The following ABR variants were observed in gnomAD, a reference collection of about 807,000 sequenced individuals.
ABR encodes the protein active breakpoint cluster region-related protein.
In ABR, 35 loss-of-function variants were observed where a neutral mutation model predicts 107.2. The ratio of observed to expected loss-of-function variants is 0.33; its 90% CI spans 0.25 to 0.43. The LOEUF (loss-of-function observed/expected upper bound fraction) is 0.43, where lower values mean the gene tolerates loss of function less well. Ranked by LOEUF, ABR falls within the 20% of genes least tolerant of loss-of-function variation. The pLI, the probability that ABR is intolerant of heterozygous loss-of-function variation, is 1.00. For missense variants in ABR, 815 were observed against 1,115.2 expected (o/e 0.73, Z 3.83); for synonymous variants, 498 against 462.0 (o/e 1.08, Z -1.00).
intron 16 of ABR, among the ~76,000 whole-genome samples, chr17:1,034,523 G>A (rs1031987897): frequency 9.9e-5 from 15 of 152,164 alleles, no homozygotes; most frequent in African/African-American, 3.6e-4. Flanking sequence ...AAAATGCCAC[G>A]AACATCGAGA....
chr17:1,091,760 T>A lies in ABR; in HGVS notation c.436A>T (p.Ile146Phe). 6.2e-7 allele frequency: 1 copy of A among 1,614,164 alleles called. No homozygotes were observed. The highest frequency in any genetic ancestry group is 8.5e-7 in the Non-Finnish European group (1 of 1,180,010). ...TAGAACTCCTTGTGGATCTCATAGATGTCCTGGATCTTGTAGAAGATGGTC... is the reference window on the plus strand; with the variant it reads ...TAGAACTCCTTGTGGATCTCATAGAAGTCCTGGATCTTGTAGAAGATGGTC... ...IETIFYKIQD[I>F]YEIHKEFYDN... Residue 146 changes from isoleucine (I) to phenylalanine (F), a missense_variant, in exon 4 of 23, where the codon ATC (isoleucine) becomes TTC (phenylalanine). By Grantham distance (21) the Ile-to-Phe change is conservative (BLOSUM62 0). Transcript: ENST00000302538.
intron 16 of ABR, among the ~76,000 whole-genome samples, chr17:1,013,513 A>G (rs962587384): frequency 1.4e-4 from 21 of 152,146 alleles, no homozygotes; most frequent in Non-Finnish European, 2.2e-4. Flanking sequence ...GGACATGGGT[A>G]TTATTACCCC....
At chr17:1,144,295 TCTC>T (rs2040436090) in intron 1 of ABR, among the ~76,000 whole-genome samples, 1 of 151,784 alleles carries the variant, frequency 6.6e-6, no homozygotes, top group Non-Finnish European at 1.5e-5. Context: ...TCAACAAACA[TCTC>T]CTAAGCTATC....
At chr17:1,020,526 G>A (rs2071541842) in intron 16 of ABR, among the ~76,000 whole-genome samples, 1 of 152,240 alleles carries the variant, frequency 6.6e-6, no homozygotes, top group Non-Finnish European at 1.5e-5. Flanking sequence ...GCAGGCAGGG[G>A]CACCGGGTTG....
Position 1,005,434 on chromosome 17 carries a change from G to T in ABR, c.*646C>A, listed in dbSNP as rs1008691023. 4 of 332,062 alleles carry T rather than the reference G, an allele frequency of 1.2e-5. No homozygotes were observed. Among genetic ancestry groups the T allele is most frequent in the African/African-American group, 6.3e-5 (3 of 47,292 alleles). 20.6% of individuals were successfully genotyped at this position (332,062 alleles called of 1,614,324 possible). A position where few individuals can be genotyped will look rare whatever the true frequency, so the allele number is the denominator to read the frequency against. ...TTTGCACAGGCAGCAAGGCAAAGCA[G>T]GTGTGCTCCCAAAGGCGGAGTCTGA... On this transcript the variant is annotated 3_prime_UTR_variant, in exon 23 of 23. Transcript: ENST00000302538.
At chr17:1,100,272 T>C (rs958950781) in intron 3 of ABR, among the ~76,000 whole-genome samples, 1 of 152,198 alleles carries the variant, frequency 6.6e-6, no homozygotes, top group African/African-American at 2.4e-5. Flanking sequence ...ACTGGATTGA[T>C]TGGGAATGAC....
chr17:1,096,888 C>T (rs565043741), intron 3 of ABR, among the ~76,000 whole-genome samples: 2 of 105,454 alleles, frequency 1.9e-5, no homozygotes, highest in South Asian at 6.4e-4. Context: ...CAGGAGGAGA[C>T]AGCTGGGGAA....
intron 1 of ABR, among the ~76,000 whole-genome samples, chr17:1,192,971 C>G (rs1282210653): frequency 1.3e-5 from 2 of 152,164 alleles, no homozygotes; most frequent in Non-Finnish European, 2.9e-5. Flanking sequence ...TCCCTTGAAC[C>G]CAGGAGGCGG....
intron 1 of ABR, among the ~76,000 whole-genome samples, chr17:1,223,304 A>AACACACACACAC (rs56226163): frequency 0.089 from 13,322 of 149,058 alleles, 635 homozygotes; most frequent in Middle Eastern, 0.12. Context: ...AATCAGTAAC[A>AACACACACACAC]ACACACACAC....
At chr17:1,212,028 G>C (rs1028169614) in intron 1 of ABR, among the ~76,000 whole-genome samples, 14 of 151,544 alleles carry the variant, frequency 9.2e-5, no homozygotes, top group African/African-American at 3.4e-4. Context: ...GTTGCAGTGA[G>C]CCGAGATTGC....
At chr17:1,012,666 G>T in intron 18 of ABR, 22 bp downstream of exon 18, 1 of 1,549,014 alleles carries the variant, frequency 6.5e-7, no homozygotes, top group East Asian at 2.4e-5. Context: ...GCCAGGACTG[G>T]GAGACCCGAG....
intron 12 of ABR, 104 bp from the exon 13 acceptor site, chr17:1,057,206 A>C (rs184526754): frequency 2.1e-4 from 159 of 740,092 alleles, no homozygotes; most frequent in African/African-American, 1.3e-3. Flanking sequence ...TCCCTGGGGC[A>C]GACTTGGTCC....
At position 1,200,693 on chromosome 17, in the gene ABR, A is replaced by T. The variant is rs1369604696; in HGVS notation, c.838+28100T>A. ...GGGCCTCCGTGGTGCAGACACAAAG[A>T]TGGATCCCCAGGTGGAAACCCGGGC... On this transcript the variant is annotated intron_variant, in intron 1 of 22. Transcript: ENST00000574139. This position sits in a 1 kb window ranked among gnomAD's most constrained non-coding sequence, Gnocchi z 4.1. 1.3e-5 allele frequency among the ~76,000 whole-genome samples: 2 copies of T among 152,130 alleles called. No homozygotes were observed. Among genetic ancestry groups the T allele is most frequent in the East Asian group, 3.9e-4 (2 of 5,182 alleles).
chr17:1,142,546 T>C (rs1259683044), intron 1 of ABR, among the ~76,000 whole-genome samples: 6 of 150,992 alleles, frequency 4.0e-5, no homozygotes, highest in African/African-American at 7.3e-5. Context: ...GATCACACCA[T>C]TGCACTCCAG....
chr17:1,057,041 C>G lies in ABR; in HGVS notation c.1443G>C (p.Lys481Asn), dbSNP rs1189901369. Residue 481 changes from lysine to asparagine, a missense_variant, in exon 13 of 23, where the codon AAG (lysine) becomes AAC (asparagine). By Grantham distance (94) the Lys-to-Asn change is moderately conservative. This residue lies in a region of ABR where 385 missense variants were observed against 596.9 expected (regional missense o/e 0.64). Coordinates refer to ENST00000302538, the MANE Select transcript of ABR (RefSeq NM_021962.5). ...CAGGAATGTTGTGTACAGTCCTAAG[C>G]TTGAAACAGGATCCTGTGAGCACCT... ...ELQVLTGSCF[K>N]LRTVHNIPVT... The G allele has an allele frequency of 6.2e-7, 1 of 1,613,050 alleles. No individual in the cohort carries two copies. Among genetic ancestry groups the G allele is most frequent in the Non-Finnish European group, 8.5e-7 (1 of 1,179,374 alleles).
At chr17:1,098,857 C>G (rs1054501901) in intron 3 of ABR, among the ~76,000 whole-genome samples, 1 of 152,270 alleles carries the variant, frequency 6.6e-6, no homozygotes, top group African/African-American at 2.4e-5. Flanking sequence ...GCAAACTCGG[C>G]TCACTGCAAC....
chr17:1,093,104 A>G (rs2151303529), intron 3 of ABR, among the ~76,000 whole-genome samples: 1 of 146,340 alleles, frequency 6.8e-6, no homozygotes, highest in African/African-American at 2.5e-5. Context: ...TACGGGCGTG[A>G]GCCACCGCGC....
In ABR at chr17:1,070,033, G is replaced by A; in HGVS notation, c.952C>T (p.Leu318=). 1 of 1,613,514 alleles carries A rather than the reference G, an allele frequency of 6.2e-7. No homozygotes were observed. The highest frequency in any genetic ancestry group is 8.5e-7 in the Non-Finnish European group (1 of 1,179,874). ...TCTGTAAAGAGGAAGACGTGCCGCA[G>A]CTTCCGGGAGCTCTCTGACACTTCC... ...LVEVSESSRK[L]RHVFLFTDVL... is the part of the protein sequence containing the mutation. The change falls in exon 9 of 23, where the codon CTG becomes TTG. Residue 318 remains leucine, a synonymous_variant. Transcript: ENST00000302538. The surrounding 1 kb of genome is among the most constrained non-coding windows in gnomAD (Gnocchi z 4.2).
intron 13 of ABR, among the ~76,000 whole-genome samples, chr17:1,056,584 G>A (rs2033302748): frequency 6.6e-6 from 1 of 151,960 alleles, no homozygotes; most frequent in African/African-American, 2.4e-5. Flanking sequence ...GCTCCCCACT[G>A]CTCAAAACCC....
Sources: allele counts gnomAD v4.1 joint callset (sites outside exome capture counted in the v4.1 genomes callset), GRCh38; gene constraint gnomAD v4.1.1; regional missense constraint gnomAD v4.1.1; non-coding constraint Gnocchi (gnomAD v3.1); transcripts MANE v1.5; gene names NCBI Gene and HGNC (gene_info 2026-07-23, HGNC 2026-07-21).